Variants in SP110 observed in about 807,000 individuals in gnomAD.
The protein encoded by SP110 is interferon-induced protein 41, 30kD.
A neutral mutation model predicts 92.7 loss-of-function variants in SP110; 62 were observed. That is an observed-to-expected ratio of 0.67 (90% confidence interval 0.55 to 0.83). SP110 has a LOEUF of 0.83. Among genes scored for constraint, SP110 ranks in the 40% least tolerant of loss-of-function variants. SP110 has a pLI of 0.00. For synonymous variants in SP110, 273 were observed against 305.3 expected, an observed-to-expected ratio of 0.89 and a Z score of 1.10; for missense variants, 793 against 863.9, an observed-to-expected ratio of 0.92 and a Z score of 1.03.
chr2:230,172,076 T>C lies in SP110; in HGVS notation c.1805A>G (p.Gln602Arg). The change falls in exon 16 of 19, where the codon CAG (glutamine) becomes CGG (arginine). Residue 602 changes from glutamine to arginine, a missense_variant. By Grantham distance (43) the Gln-to-Arg change is conservative. Coordinates refer to ENST00000258381, the MANE Select transcript of SP110 (RefSeq NM_080424.4). The stretch of plus-strand genomic sequence containing the variant: ...TTGCATCCAACTCACCAGCTGGTCC[T>C]GAGGCTGCATCTGCCTCTCCAGGGT... ...SKTLERQMQP[Q>R]DQLKCEFLLL... 1 of 1,599,046 alleles carries C rather than the reference T, an allele frequency of 6.3e-7. No homozygotes were observed. Among genetic ancestry groups the C allele is most frequent in the Non-Finnish European group, 8.6e-7 (1 of 1,166,048 alleles).
chr2:230,204,094 T>TA (rs1390573569), intron 8 of SP110, among the ~76,000 whole-genome samples: 33 of 152,204 alleles, frequency 2.2e-4, no homozygotes, highest in African/African-American at 7.7e-4. Context: ...ACGATTCTTT[T>TA]AAAAAACCTG....
Position 230,197,686 on chromosome 2 carries a change from G to T in SP110, c.1129+3199C>A, listed in dbSNP as rs935211732. On this transcript the variant is annotated intron_variant, in intron 10 of 18. Coordinates refer to ENST00000258381, the MANE Select transcript of SP110 (RefSeq NM_080424.4). ...GTTTTTATGGTTTTAGGTCTAACAT[G>T]TAAGTCTTTAATCCATCTTGAATTA... Among the ~76,000 whole-genome samples, 3 of 151,614 alleles carry T rather than the reference G, an allele frequency of 2.0e-5. No individual in the cohort carries two copies. In the South Asian group the frequency reaches 6.3e-4, roughly 32 times the overall value.
chr2:230,179,496 A>AGGG (rs2042029561), intron 12 of SP110, among the ~76,000 whole-genome samples: 1 of 131,124 alleles, frequency 7.6e-6, no homozygotes, highest in African/African-American at 2.9e-5. Context: ...GGCAGGGAGG[A>AGGG]GTGGGGGTGG....
intron 10 of SP110, among the ~76,000 whole-genome samples, chr2:230,193,791 G>A (rs1452505897): frequency 6.6e-6 from 1 of 152,114 alleles, no homozygotes; most frequent in Non-Finnish European, 1.5e-5. Flanking sequence ...TCAGGGGGAG[G>A]GCAGATGCTT....
At chr2:230,184,751 G>A (rs1427386377) in intron 11 of SP110, among the ~76,000 whole-genome samples, 1 of 151,938 alleles carries the variant, frequency 6.6e-6, no homozygotes, top group Non-Finnish European at 1.5e-5. Flanking sequence ...TCAAACAGAT[G>A]ACCCTCAAAA....
intron 8 of SP110, among the ~76,000 whole-genome samples, chr2:230,206,595 T>TTATATATATATATATATATATA (rs56817002): frequency 4.1e-4 from 29 of 70,502 alleles, no homozygotes; most frequent in East Asian, 8.0e-4. Flanking sequence ...GGTCCAGATT[T>TTATATATATATATATATATATA]TATATATATA....
chr2:230,212,992 G>C lies in SP110; in HGVS notation c.352C>G (p.Pro118Ala). 6.2e-7 allele frequency: 1 copy of C among 1,614,052 alleles called. No homozygotes were observed. The highest frequency in any genetic ancestry group is 8.5e-7 in the Non-Finnish European group (1 of 1,179,966). ...ASYEWQSRDT[P>A]ILLEAPTGLA... ...CCAGTTGGGGCTTCAAGTAGGATTG[G>C]TGTGTCTCTGCTCTGCCATTCATAG... The change falls in exon 4 of 19, where the codon CCA becomes GCA. Residue 118 changes from proline to alanine, a missense_variant. Pro to Ala is a conservative substitution (Grantham distance 27). Coordinates refer to ENST00000258381, the MANE Select transcript of SP110 (RefSeq NM_080424.4).
intron 9 of SP110, among the ~76,000 whole-genome samples, 158 bp downstream of exon 9, chr2:230,202,421 G>A (rs1217863971): frequency 6.6e-6 from 1 of 152,162 alleles, no homozygotes; most frequent in Non-Finnish European, 1.5e-5. Flanking sequence ...TGCAACAGAT[G>A]CTTGCTCTCT....
chr2:230,216,868 C>A lies in SP110; in HGVS notation c.60G>T (p.Lys20Asn). Reference protein sequence around the residue: ...EALFQHFMHQKLGIAYAIHKP... With the variant: ...EALFQHFMHQNLGIAYAIHKP... ...TGTGTATGGCATAGGCGATCCCCAG[C>A]TTCTGGTGCATGAAGTGCTGAAAAA... The change falls in exon 2 of 19, where the codon AAG becomes AAT. Residue 20 changes from lysine (K) to asparagine (N), a missense_variant. By Grantham distance (94) the Lys-to-Asn change is moderately conservative (BLOSUM62 0). Transcript: ENST00000258381. The A allele has an allele frequency of 6.2e-7, 1 of 1,614,068 alleles. No individual in the cohort carries two copies. Among genetic ancestry groups the A allele is most frequent in the Non-Finnish European group, 8.5e-7 (1 of 1,179,964 alleles).
upstream of SP110, among the ~76,000 whole-genome samples, chr2:230,224,716 A>G (rs1045609488): frequency 6.6e-6 from 1 of 152,186 alleles, no homozygotes; most frequent in Non-Finnish European, 1.5e-5. Context: ...AATGAACCAG[A>G]AAAAGTAGGA....
chr2:230,192,911 TTC>T (rs1250219041), intron 10 of SP110, among the ~76,000 whole-genome samples: 1 of 152,222 alleles, frequency 6.6e-6, no homozygotes, highest in African/African-American at 2.4e-5. Context: ...TTTTTTGACT[TTC>T]TGTCTCAATG....
At chr2:230,205,333 A>C (rs945221809) in intron 8 of SP110, among the ~76,000 whole-genome samples, 4 of 152,116 alleles carry the variant, frequency 2.6e-5, no homozygotes. Context: ...CATCATCACC[A>C]ACAACACTGG....
chr2:230,188,700 T>C (rs770614848), intron 10 of SP110, among the ~76,000 whole-genome samples: 6 of 152,190 alleles, frequency 3.9e-5, no homozygotes, highest in Admixed American at 1.3e-4. Flanking sequence ...TCTAAAGGGA[T>C]GCTGGATTTT....
chr2:230,175,693 A>G, intron 14 of SP110, among the ~76,000 whole-genome samples: 1 of 152,172 alleles, frequency 6.6e-6, no homozygotes, highest in East Asian at 1.9e-4. Flanking sequence ...TGGAGAACAC[A>G]TCTAAGCAAG....
intron 10 of SP110, 61 bp from the exon 11 acceptor site, chr2:230,186,204 C>A (rs2042351278): frequency 1.3e-6 from 2 of 1,532,370 alleles, no homozygotes; most frequent in Non-Finnish European, 1.8e-6. Context: ...CCAGCCCCTA[C>A]CCTTTCAGGA....
intron 7 of SP110, 37 bp from the exon 8 acceptor site, chr2:230,208,096 T>C (rs747770536): frequency 8.7e-7 from 1 of 1,148,154 alleles, no homozygotes; most frequent in South Asian, 1.3e-5. Flanking sequence ...GTTACAAACA[T>C]TGATCTCCCA....
At chr2:230,171,929 A>C in intron 16 of SP110, 137 bp downstream of exon 16, 1 of 840,582 alleles carries the variant, frequency 1.2e-6, no homozygotes. Context: ...TTAGACTCTG[A>C]GTTTGGGCAT....
intron 7 of SP110, 80 bp downstream of exon 7, chr2:230,209,851 T>C (rs1319367010): frequency 1.2e-6 from 1 of 859,504 alleles, no homozygotes; most frequent in Middle Eastern, 2.2e-4. Context: ...AGTGGTGCTC[T>C]TGACAAGATA....
Position 230,209,827 on chromosome 2 carries a change from G to A in SP110, c.829+104C>T, listed in dbSNP as rs1049454543. The stretch of plus-strand genomic sequence containing the variant: ...AGAAACGAACTGTGTGTGGCATCAG[G>A]ACTGTGGTCACATAGTGGTGCTCTT... On this transcript the variant is annotated intron_variant, in intron 7 of 18. Coordinates refer to ENST00000258381, the MANE Select transcript of SP110 (RefSeq NM_080424.4). The A allele has an allele frequency of 1.1e-5, 9 of 783,998 alleles. No homozygotes were observed. In the Admixed American group the frequency reaches 1.2e-4, roughly 10 times the overall value. The allele number at this position is 783,998 out of a possible 1,614,324, so 48.6% of individuals were successfully genotyped here.
Sources: allele counts gnomAD v4.1 joint callset (sites outside exome capture counted in the v4.1 genomes callset), GRCh38; gene constraint gnomAD v4.1.1; transcripts MANE v1.5; gene names NCBI Gene and HGNC (gene_info 2026-07-23, HGNC 2026-07-21).